Variants in OPCML observed in about 807,000 individuals in gnomAD.
The protein encoded by OPCML is opioid binding protein/cell adhesion molecule like, also known as opioid-binding protein/cell adhesion molecule.
In OPCML, 13 loss-of-function variants were observed where a neutral mutation model predicts 37.8. The observed-to-expected ratio is 0.34, with a 90% CI of 0.22 to 0.55. The LOEUF (loss-of-function observed/expected upper bound fraction) is 0.55, where lower values mean the gene tolerates loss of function less well. Among genes scored for constraint, OPCML ranks in the 20% least tolerant of loss-of-function variants. The pLI is 0.91. For missense variants in OPCML, 341 were observed against 435.6 expected (o/e 0.78, Z 1.93); for synonymous variants, 176 against 168.8 (o/e 1.04, Z -0.33).
At chr11:133,355,692 G>A (rs770792337) in intron 1 of OPCML, among the ~76,000 whole-genome samples, 1 of 152,168 alleles carries the variant, frequency 6.6e-6, no homozygotes, top group Non-Finnish European at 1.5e-5. Context: ...AGCTCTAGGA[G>A]TCCAAGAAAT....
At chr11:132,566,981 T>A (rs2096424931) in intron 3 of OPCML, among the ~76,000 whole-genome samples, 1 of 151,294 alleles carries the variant, frequency 6.6e-6, no homozygotes, top group African/African-American at 2.4e-5. Flanking sequence ...GTTTTTTTTT[T>A]TTTTCCTGCA....
chr11:133,031,531 ATGGT>A (rs1947672328), intron 1 of OPCML, among the ~76,000 whole-genome samples: 1 of 145,608 alleles, frequency 6.9e-6, no homozygotes, highest in South Asian at 2.3e-4. Flanking sequence ...GGATGGATGG[ATGGT>A]TGGATGGATG....
In OPCML at chr11:132,618,239, G is replaced by A. The variant is rs186860458; in HGVS notation, c.379+38848C>T. On this transcript the variant is annotated intron_variant, in intron 3 of 7. Coordinates refer to ENST00000524381, the MANE Select transcript of OPCML (RefSeq NM_001012393.5). Reference sequence around the variant, plus strand: ...AGGCTGGTTTTTTAGTTTGGAGGGAGCTATTTATTTTTGTTTGGTGAATAG... The same window carrying A: ...AGGCTGGTTTTTTAGTTTGGAGGGAACTATTTATTTTTGTTTGGTGAATAG... Among the ~76,000 whole-genome samples the A allele has an allele frequency of 1.2e-4, 19 of 152,274 alleles. No homozygotes were observed. The East Asian group carries it at 3.3e-3, about 26-fold the overall frequency.
intron 1 of OPCML, among the ~76,000 whole-genome samples, chr11:133,515,776 T>C (rs1467304127): frequency 6.6e-6 from 1 of 151,878 alleles, no homozygotes; most frequent in Non-Finnish European, 1.5e-5. Flanking sequence ...TCAAAAAATG[T>C]TTAATTTCCT....
intron 1 of OPCML, among the ~76,000 whole-genome samples, chr11:132,964,426 A>G (rs187729972): frequency 1.3e-5 from 2 of 152,286 alleles, no homozygotes; most frequent in Non-Finnish European, 2.9e-5. Flanking sequence ...TCCACCCCTG[A>G]GTAACTATAA....
intron 1 of OPCML, among the ~76,000 whole-genome samples, chr11:133,200,955 A>T (rs1938755163): frequency 6.6e-6 from 1 of 152,214 alleles, no homozygotes; most frequent in African/African-American, 2.4e-5. Flanking sequence ...AAGCCATAAA[A>T]AGGATGAAAT....
intron 1 of OPCML, among the ~76,000 whole-genome samples, chr11:133,152,001 A>G (rs1335951210): frequency 6.6e-6 from 1 of 152,184 alleles, no homozygotes; most frequent in Non-Finnish European, 1.5e-5. Context: ...GAACAATGAC[A>G]TCTTTTTTGT....
chr11:132,450,292 G>T (rs904016631), intron 4 of OPCML, among the ~76,000 whole-genome samples: 4 of 152,184 alleles, frequency 2.6e-5, no homozygotes, highest in Non-Finnish European at 5.9e-5. Flanking sequence ...CATCTTCTTG[G>T]CAGAAAATGT....
intron 1 of OPCML, among the ~76,000 whole-genome samples, chr11:133,502,327 G>T (rs1281953660): frequency 6.6e-6 from 1 of 152,212 alleles, no homozygotes; most frequent in African/African-American, 2.4e-5. Context: ...GACAGACAGA[G>T]GCAGGGTGGC....
At chr11:133,110,466 C>A (rs61169222) in intron 1 of OPCML, among the ~76,000 whole-genome samples, 10,625 of 152,174 alleles carry the variant, frequency 0.07, 1,236 homozygotes, top group African/African-American at 0.24. Context: ...GCAGAGGTCA[C>A]AGGCCCCCGT....
At chr11:132,891,072 A>T (rs1420371537) in intron 2 of OPCML, among the ~76,000 whole-genome samples, 1 of 152,166 alleles carries the variant, frequency 6.6e-6, no homozygotes, top group Non-Finnish European at 1.5e-5. Flanking sequence ...AAAGTTATTT[A>T]CCTTAAGAGA....
At chr11:132,795,215 TTCTTA>T (rs1381729055) in intron 2 of OPCML, among the ~76,000 whole-genome samples, 1 of 152,248 alleles carries the variant, frequency 6.6e-6, no homozygotes, top group Admixed American at 6.5e-5. Flanking sequence ...GTTTGAATTT[TTCTTA>T]TCTTTTAAAT....
chr11:133,269,477 A>G (rs1035766358), intron 1 of OPCML, among the ~76,000 whole-genome samples: 3 of 152,198 alleles, frequency 2.0e-5, no homozygotes, highest in African/African-American at 7.2e-5. Flanking sequence ...CACATTCTGT[A>G]CCCTAGTAGG....
chr11:133,204,730 A>T (rs1278227232), intron 1 of OPCML, among the ~76,000 whole-genome samples: 5 of 151,948 alleles, frequency 3.3e-5, no homozygotes, highest in Non-Finnish European at 5.9e-5. Context: ...GACAGGAGAG[A>T]ACGCTGGCTT....
At chr11:132,601,509 A>G (rs1357340766) in intron 3 of OPCML, among the ~76,000 whole-genome samples, 2 of 152,154 alleles carry the variant, frequency 1.3e-5, no homozygotes, top group Non-Finnish European at 2.9e-5. Flanking sequence ...GTAACCCTCC[A>G]TCCTTCTCCT....
At chr11:133,163,898 C>A (rs1225931010) in intron 1 of OPCML, among the ~76,000 whole-genome samples, 1 of 152,232 alleles carries the variant, frequency 6.6e-6, no homozygotes, top group Non-Finnish European at 1.5e-5. Context: ...AGAAATCTCT[C>A]ATACGGCTTT....
At chr11:132,602,125 A>T (rs1937961032) in intron 3 of OPCML, among the ~76,000 whole-genome samples, 1 of 152,164 alleles carries the variant, frequency 6.6e-6, no homozygotes, top group African/African-American at 2.4e-5. Flanking sequence ...AGAGACACAC[A>T]TCGCAGCAGA....
chr11:132,864,972 G>C (rs1001907197), intron 2 of OPCML, among the ~76,000 whole-genome samples: 1 of 152,230 alleles, frequency 6.6e-6, no homozygotes, highest in African/African-American at 2.4e-5. Context: ...AGCGGACAGC[G>C]AGCCCCTGGC....
intron 3 of OPCML, among the ~76,000 whole-genome samples, chr11:132,529,487 C>T (rs2096317951): frequency 6.6e-6 from 1 of 152,100 alleles, no homozygotes; most frequent in Non-Finnish European, 1.5e-5. Context: ...AAAATATTCA[C>T]AAAGCCTTCC....
Sources: gnomAD v4.1 joint callset for allele counts (sites outside exome capture counted in the v4.1 genomes callset) on GRCh38, gnomAD v4.1.1 for gene constraint, MANE v1.5 for transcripts, NCBI Gene and HGNC (gene_info 2026-07-23, HGNC 2026-07-21) for gene names.